Variants in DTNB observed in about 807,000 individuals in gnomAD.
The protein encoded by DTNB is DTN-B.
Under a neutral mutation model 90.7 loss-of-function variants are expected in DTNB, and 63 were observed. That is an observed-to-expected ratio of 0.69 (90% CI 0.57 to 0.86). The LOEUF (loss-of-function observed/expected upper bound fraction) is 0.86. Ranked by LOEUF, DTNB falls within the 40% of genes least tolerant of loss-of-function variation. The probability of loss-of-function intolerance (pLI) is 0.00; values close to 1 mark genes in which losing one functional copy is unlikely to be tolerated. For missense variants in DTNB, 744 were observed against 807.1 expected (o/e 0.92, Z 0.95); for synonymous variants, 277 against 286.7 (o/e 0.97, Z 0.34).
At chr2:25,583,262 A>T (rs868560257) in intron 6 of DTNB, among the ~76,000 whole-genome samples, 5,655 of 137,040 alleles carry the variant, frequency 0.041, 149 homozygotes, top group African/African-American at 0.065. Context: ...AAAAAAAAAA[A>T]ATATATATAT....
At chr2:25,637,492 G>A (rs1019109277) in intron 3 of DTNB, among the ~76,000 whole-genome samples, 9 of 152,064 alleles carry the variant, frequency 5.9e-5, no homozygotes, top group African/African-American at 2.2e-4. Context: ...AATCTACAAA[G>A]AACTTAAACA....
chr2:25,450,309 C>CT lies in DTNB; in HGVS notation c.1257+1238dup, dbSNP rs1159418653. On this transcript the variant is annotated intron_variant, in intron 12 of 20. Coordinates refer to ENST00000406818, the MANE Select transcript of DTNB (RefSeq NM_021907.5). ...ATTTGTTAAAAATAGAAAGAGTTTC[C>CT]TTTTCTGACTGATTTGCTTCTTACC... 2.0e-5 allele frequency among the ~76,000 whole-genome samples: 3 copies of CT among 152,104 alleles called. No individual in the cohort carries two copies. In the East Asian group the frequency reaches 5.8e-4, roughly 29 times the overall value.
chr2:25,640,671 G>A (rs913741799), intron 2 of DTNB, among the ~76,000 whole-genome samples: 2 of 152,122 alleles, frequency 1.3e-5, no homozygotes, highest in African/African-American at 4.8e-5. Flanking sequence ...GTACTTTGGG[G>A]GGCTGAGGTA....
chr2:25,526,556 T>C (rs2077239024), intron 9 of DTNB, among the ~76,000 whole-genome samples: 2 of 151,438 alleles, frequency 1.3e-5, no homozygotes, highest in South Asian at 2.1e-4. Flanking sequence ...CCGCCACGCC[T>C]GGCTAATTTT....
chr2:25,451,006 T>C (rs2059200325), intron 12 of DTNB, among the ~76,000 whole-genome samples: 1 of 152,132 alleles, frequency 6.6e-6, no homozygotes, highest in Non-Finnish European at 1.5e-5. Flanking sequence ...CATTTCACTA[T>C]GCTGCCAGAG....
At chr2:25,554,701 A>G (rs2056973247) in intron 8 of DTNB, among the ~76,000 whole-genome samples, 1 of 152,230 alleles carries the variant, frequency 6.6e-6, no homozygotes, top group African/African-American at 2.4e-5. Context: ...TGTGGATTCT[A>G]TATGGCACTG....
intron 14 of DTNB, among the ~76,000 whole-genome samples, chr2:25,431,971 T>A (rs958732693): frequency 5.3e-5 from 8 of 152,196 alleles, no homozygotes; most frequent in Non-Finnish European, 1.0e-4. Context: ...TTAAATTCTT[T>A]ATGACTCTAC....
intron 8 of DTNB, among the ~76,000 whole-genome samples, chr2:25,535,916 G>A (rs543896384): frequency 3.1e-4 from 45 of 144,140 alleles, no homozygotes; most frequent in Middle Eastern, 4.2e-3. Context: ...TCCCATTCGG[G>A]ACAGCCAGGC....
intron 16 of DTNB, among the ~76,000 whole-genome samples, chr2:25,412,394 T>G (rs920500932): frequency 6.6e-6 from 1 of 152,184 alleles, no homozygotes; most frequent in Admixed American, 6.5e-5. Flanking sequence ...AAAGTTCTCT[T>G]GGCCAATTCC....
intron 2 of DTNB, among the ~76,000 whole-genome samples, chr2:25,644,896 C>T (rs544502484): frequency 6.6e-6 from 1 of 151,874 alleles, no homozygotes; most frequent in African/African-American, 2.4e-5. Context: ...GAGGTCCCAC[C>T]AGAGAGGAAG....
intron 8 of DTNB, among the ~76,000 whole-genome samples, chr2:25,576,337 T>C (rs1250896933): frequency 1.3e-5 from 2 of 148,968 alleles, no homozygotes; most frequent in Non-Finnish European, 3.0e-5. Flanking sequence ...GCCATTCTCC[T>C]GCCTCAGCCT....
chr2:25,572,584 A>AC (rs2060044196), intron 8 of DTNB, among the ~76,000 whole-genome samples: 2 of 151,542 alleles, frequency 1.3e-5, no homozygotes, highest in African/African-American at 4.8e-5. Context: ...GGGCTCTGGC[A>AC]TACCCTCCAG....
chr2:25,441,494 G>T (rs1187408225), intron 12 of DTNB, among the ~76,000 whole-genome samples: 2 of 152,154 alleles, frequency 1.3e-5, no homozygotes, highest in African/African-American at 4.8e-5. Flanking sequence ...AAGTTATGCT[G>T]ACAGCTTTAA....
chr2:25,447,568 G>A (rs545937348), intron 12 of DTNB, among the ~76,000 whole-genome samples: 216 of 147,398 alleles, frequency 1.5e-3, no homozygotes, highest in Middle Eastern at 3.5e-3. Flanking sequence ...ACAGTGGTGC[G>A]ATCTCAGCTC....
At chr2:25,499,003 G>T (rs2069735486) in intron 9 of DTNB, among the ~76,000 whole-genome samples, 1 of 151,390 alleles carries the variant, frequency 6.6e-6, no homozygotes, top group Non-Finnish European at 1.5e-5. Context: ...ATCACCTGAG[G>T]TCAGGAGTTT....
intron 8 of DTNB, among the ~76,000 whole-genome samples, chr2:25,567,237 G>T (rs942047534): frequency 1.3e-5 from 2 of 152,162 alleles, no homozygotes; most frequent in African/African-American, 4.8e-5. Context: ...AAACTGGTCA[G>T]GAGCATGCTC....
chr2:25,551,218 CTGTT>C (rs1189389240), intron 8 of DTNB, among the ~76,000 whole-genome samples: 3 of 152,158 alleles, frequency 2.0e-5, no homozygotes, highest in Admixed American at 6.5e-5. Context: ...TCACGACTGC[CTGTT>C]TATTATGATT....
intron 5 of DTNB, among the ~76,000 whole-genome samples, chr2:25,597,390 G>A (rs1352923829): frequency 6.6e-6 from 1 of 151,846 alleles, no homozygotes; most frequent in Non-Finnish European, 1.5e-5. Flanking sequence ...CAGTGAAGAG[G>A]TATAGTAGAG....
intron 9 of DTNB, among the ~76,000 whole-genome samples, chr2:25,507,580 T>C (rs1244965393): frequency 1.3e-5 from 2 of 152,172 alleles, no homozygotes; most frequent in Non-Finnish European, 2.9e-5. Flanking sequence ...GTGTATCTTA[T>C]CACCTCTTAT....
Sources: allele counts gnomAD v4.1 joint callset (sites outside exome capture counted in the v4.1 genomes callset), GRCh38; gene constraint gnomAD v4.1.1; transcripts MANE v1.5; gene names NCBI Gene and HGNC (gene_info 2026-07-23, HGNC 2026-07-21).